The following ITPR2 variants were observed in gnomAD, a reference collection of about 807,000 sequenced individuals.
ITPR2 encodes inositol 1,4,5-trisphosphate receptor type 2.
Under a neutral mutation model 317.1 loss-of-function variants are expected in ITPR2, and 207 were observed. That is an observed-to-expected ratio of 0.65 (90% CI 0.58 to 0.73). The LOEUF is 0.73. ITPR2 is among the 30% of genes least tolerant of loss of function. ITPR2 has a pLI of 0.00. For synonymous variants in ITPR2, 1,156 were observed against 1,149.1 expected (o/e 1.01, Z -0.12); for missense variants, 2,613 against 3,284.0 (o/e 0.80, Z 4.99).
Position 26,589,646 on chromosome 12 carries a change from G to A in ITPR2, c.4380+5819C>T, listed in dbSNP as rs188867689. Among the ~76,000 whole-genome samples the A allele has an allele frequency of 5.2e-3, 755 of 146,032 alleles. 6 individuals are homozygous for A. The highest frequency in any genetic ancestry group is 0.018 in the African/African-American group (682 of 38,820). On this transcript the variant is annotated intron_variant, in intron 32 of 56. Coordinates refer to ENST00000381340, the MANE Select transcript of ITPR2 (RefSeq NM_002223.4). ...TACTTAAAATAGAAAAATTAGTCAG[G>A]CGTGGTGGCGGGGGCCTATACTCCC...
At chr12:26,467,520 GA>G (rs1314569759) in intron 45 of ITPR2, among the ~76,000 whole-genome samples, 1 of 152,168 alleles carries the variant, frequency 6.6e-6, no homozygotes, top group African/African-American at 2.4e-5. Flanking sequence ...AGCCTTGCCT[GA>G]TATCTCCAGC....
At chr12:26,822,412 A>G (rs1368878064) in intron 1 of ITPR2, among the ~76,000 whole-genome samples, 2 of 152,162 alleles carry the variant, frequency 1.3e-5, no homozygotes, top group Non-Finnish European at 2.9e-5. Context: ...GACTCCATAT[A>G]TACCAGAAGG....
intron 52 of ITPR2, among the ~76,000 whole-genome samples, chr12:26,409,464 G>A (rs1940467667): frequency 1.3e-5 from 2 of 152,178 alleles, no homozygotes; most frequent in Non-Finnish European, 2.9e-5. Context: ...CTAGTGCTTA[G>A]CACTGCATTG....
intron 13 of ITPR2, among the ~76,000 whole-genome samples, chr12:26,676,108 A>T (rs953531695): frequency 2.0e-5 from 3 of 152,320 alleles, no homozygotes; most frequent in African/African-American, 7.2e-5. Context: ...CAGTGAGCCA[A>T]GATCGTGCCA....
rs556281146 is a variant in ITPR2 at position 26,754,490 on chromosome 12, T to G, written c.164-28725A>C. ...AAGTAAAAGTTGCTAAGAGTTAACATTGTTACATGTAATTGAGACTACTGA... is the reference window on the plus strand; with the variant it reads ...AAGTAAAAGTTGCTAAGAGTTAACAGTGTTACATGTAATTGAGACTACTGA... On this transcript the variant is annotated intron_variant, in intron 2 of 56. Coordinates refer to ENST00000381340, the MANE Select transcript of ITPR2 (RefSeq NM_002223.4). Among the ~76,000 whole-genome samples, 48 of 152,336 alleles carry G rather than the reference T, an allele frequency of 3.2e-4. No homozygotes were observed. In the South Asian group the frequency reaches 5.2e-3, roughly 16 times the overall value.
At chr12:26,591,451 T>C (rs1285094161) in intron 32 of ITPR2, among the ~76,000 whole-genome samples, 4 of 152,080 alleles carry the variant, frequency 2.6e-5, no homozygotes, top group Non-Finnish European at 5.9e-5. Context: ...CTGAAGAGCA[T>C]GTAGAGAAAT....
At chr12:26,387,147 G>A (rs1939691550) in intron 55 of ITPR2, among the ~76,000 whole-genome samples, 1 of 152,190 alleles carries the variant, frequency 6.6e-6, no homozygotes, top group Non-Finnish European at 1.5e-5. Flanking sequence ...AAGGTATGAT[G>A]TCAGAAGGTG....
At chr12:26,727,704 A>T (rs1948954594) in intron 2 of ITPR2, among the ~76,000 whole-genome samples, 1 of 152,202 alleles carries the variant, frequency 6.6e-6, no homozygotes, top group African/African-American at 2.4e-5. Context: ...ACAGGGGTTA[A>T]GCCTCAGACC....
At chr12:26,593,990 T>C (rs1945774739) in intron 32 of ITPR2, among the ~76,000 whole-genome samples, 1 of 152,238 alleles carries the variant, frequency 6.6e-6, no homozygotes, top group Non-Finnish European at 1.5e-5. Context: ...ATCTCTTTAA[T>C]ATCCTCCTGC....
chr12:26,764,256 A>G (rs1949682538), intron 2 of ITPR2, among the ~76,000 whole-genome samples: 1 of 152,082 alleles, frequency 6.6e-6, no homozygotes, highest in East Asian at 1.9e-4. Context: ...CTCCTAGAAA[A>G]TAACATAGGA....
At chr12:26,758,229 A>T (rs1169789474) in intron 2 of ITPR2, among the ~76,000 whole-genome samples, 3 of 152,224 alleles carry the variant, frequency 2.0e-5, no homozygotes, top group Non-Finnish European at 4.4e-5. Context: ...ACATAAAAGC[A>T]TATTTTAAGT....
intron 55 of ITPR2, among the ~76,000 whole-genome samples, chr12:26,360,286 C>G (rs966693729): frequency 6.6e-6 from 1 of 152,122 alleles, no homozygotes; most frequent in Non-Finnish European, 1.5e-5. Context: ...TTTCTCTTAC[C>G]GGGGGGCTCA....
intron 22 of ITPR2, among the ~76,000 whole-genome samples, chr12:26,629,744 T>TTC (rs150195472): frequency 2.1e-4 from 32 of 150,200 alleles, no homozygotes; most frequent in Admixed American, 7.3e-4. Flanking sequence ...CTTTCTCTTT[T>TTC]TCTCTCTCTC....
chr12:26,762,711 T>C (rs1214129951), intron 2 of ITPR2, among the ~76,000 whole-genome samples: 2 of 152,168 alleles, frequency 1.3e-5, no homozygotes, highest in Non-Finnish European at 2.9e-5. Context: ...CTTTTAATTC[T>C]AGTATAAAAG....
At chr12:26,803,374 T>G (rs1195881050) in intron 1 of ITPR2, among the ~76,000 whole-genome samples, 1 of 151,128 alleles carries the variant, frequency 6.6e-6, no homozygotes, top group African/African-American at 2.4e-5. Context: ...AAAAAAAATG[T>G]TAAATGAATC....
chr12:26,682,621 T>C lies in ITPR2; in HGVS notation c.1201A>G (p.Thr401Ala), dbSNP rs1313947745. The C allele has an allele frequency of 5.0e-6, 8 of 1,613,098 alleles. No individual in the cohort carries two copies. The highest frequency in any genetic ancestry group is 4.0e-5 in the African/African-American group (3 of 74,876). Reference sequence around the variant, plus strand: ...TCATCTGTGTCTATGGGGATACTAGTACTGGTTACCCATGTGTTGGTGCAT... The same window carrying C: ...TCATCTGTGTCTATGGGGATACTAGCACTGGTTACCCATGTGTTGGTGCAT... ...HLCTNTWVTS[T>A]SIPIDTDEER... Residue 401 changes from threonine to alanine, a missense_variant, in exon 12 of 57, where the codon ACT (threonine) becomes GCT (alanine). By Grantham distance (58) the Thr-to-Ala change is moderately conservative. Around this residue, in one of 9 missense-constraint regions of ITPR2, gnomAD observed 515 missense variants for 789.4 expected, o/e 0.65. Coordinates refer to ENST00000381340, the MANE Select transcript of ITPR2 (RefSeq NM_002223.4).
At chr12:26,612,646 C>G (rs914688054) in intron 26 of ITPR2, among the ~76,000 whole-genome samples, 1 of 152,198 alleles carries the variant, frequency 6.6e-6, no homozygotes, top group African/African-American at 2.4e-5. Context: ...GCATACATTT[C>G]TACTGCTACC....
At chr12:26,570,140 A>G (rs979355857) in intron 34 of ITPR2, among the ~76,000 whole-genome samples, 5 of 152,206 alleles carry the variant, frequency 3.3e-5, no homozygotes, top group African/African-American at 9.6e-5. Flanking sequence ...CTAGAATTTT[A>G]TAACAGGTAG....
At chr12:26,680,538 G>A (rs1948009055) in intron 13 of ITPR2, among the ~76,000 whole-genome samples, 1 of 152,062 alleles carries the variant, frequency 6.6e-6, no homozygotes, top group Non-Finnish European at 1.5e-5. Flanking sequence ...AAAACTTGGT[G>A]CTCTTTGTTA....
Sources: gnomAD v4.1 joint callset for allele counts (sites outside exome capture counted in the v4.1 genomes callset) on GRCh38, gnomAD v4.1.1 for gene constraint, gnomAD v4.1.1 regional missense constraint, MANE v1.5 for transcripts, NCBI Gene and HGNC (gene_info 2026-07-23, HGNC 2026-07-21) for gene names.